Variants in CDH8 observed in about 807,000 individuals in gnomAD.
The protein encoded by CDH8 is cadherin-8.
In CDH8, 17 loss-of-function variants were observed where a neutral mutation model predicts 68.1. That is an observed-to-expected ratio of 0.25 (90% CI 0.17 to 0.37). The LOEUF (loss-of-function observed/expected upper bound fraction) is 0.37, where lower values mean the gene tolerates loss of function less well. Ranked by LOEUF, CDH8 falls within the 10% of genes least tolerant of loss-of-function variation. The pLI, the probability that CDH8 is intolerant of heterozygous loss-of-function variation, is 1.00. For missense variants in CDH8, 763 were observed against 999.3 expected (o/e 0.76, Z 3.19); for synonymous variants, 372 against 365.1 (o/e 1.02, Z -0.21).
At chr16:61,763,348 G>A (rs1596944377) in intron 8 of CDH8, among the ~76,000 whole-genome samples, 1 of 152,270 alleles carries the variant, frequency 6.6e-6, no homozygotes, top group East Asian at 1.9e-4. Context: ...TGAACACTAA[G>A]CTCATAACAG....
chr16:62,023,301 CT>C (rs1448810362), intron 1 of CDH8, among the ~76,000 whole-genome samples: 1 of 152,132 alleles, frequency 6.6e-6, no homozygotes, highest in Non-Finnish European at 1.5e-5. Flanking sequence ...GATAAGGCAT[CT>C]TGTGTGTGCT....
intron 2 of CDH8, among the ~76,000 whole-genome samples, chr16:62,013,261 CAAAAAAAAAAA>C (rs1165564723): frequency 0.034 from 219 of 6,408 alleles, 23 homozygotes; most frequent in Admixed American, 0.047. Flanking sequence ...GACTCCGTCT[CAAAAAAAAAAA>C]AAAAAAAAAA....
chr16:61,952,469 T>G (rs1463517501), intron 2 of CDH8, among the ~76,000 whole-genome samples: 1 of 152,126 alleles, frequency 6.6e-6, no homozygotes, highest in Non-Finnish European at 1.5e-5. Context: ...CAGGGAGAGC[T>G]TCTCAAATGA....
chr16:61,962,736 A>G (rs1391905847), intron 2 of CDH8, among the ~76,000 whole-genome samples: 1 of 152,214 alleles, frequency 6.6e-6, no homozygotes, highest in Non-Finnish European at 1.5e-5. Context: ...AAAATATAAA[A>G]TAAGCCTTTC....
chr16:61,759,219 T>C (rs535606590), intron 8 of CDH8, among the ~76,000 whole-genome samples: 3 of 152,188 alleles, frequency 2.0e-5, no homozygotes, highest in East Asian at 3.9e-4. Flanking sequence ...TATTGGCTTT[T>C]ACAAAAAAGA....
intron 10 of CDH8, among the ~76,000 whole-genome samples, chr16:61,657,924 T>C (rs1191063870): frequency 6.6e-6 from 1 of 152,108 alleles, no homozygotes; most frequent in Non-Finnish European, 1.5e-5. Context: ...CATACTTCTA[T>C]AAATATTTTT....
chr16:61,942,155 T>TA (rs1431331879), intron 2 of CDH8, among the ~76,000 whole-genome samples: 1 of 152,144 alleles, frequency 6.6e-6, no homozygotes, highest in Non-Finnish European at 1.5e-5. Flanking sequence ...ATCATGCTGT[T>TA]GCCCTCAGTT....
chr16:62,024,778 T>C (rs141594189), intron 1 of CDH8, among the ~76,000 whole-genome samples: 230 of 152,320 alleles, frequency 1.5e-3, no homozygotes, highest in Middle Eastern at 3.4e-3. Context: ...CAGAGAATAA[T>C]GAAATGATTT....
intron 10 of CDH8, among the ~76,000 whole-genome samples, chr16:61,706,194 C>T (rs1156862449): frequency 1.3e-5 from 2 of 152,166 alleles, no homozygotes; most frequent in Admixed American, 6.5e-5. Flanking sequence ...TGTTAACCAC[C>T]CACTTGCTCT....
intron 3 of CDH8, among the ~76,000 whole-genome samples, chr16:61,886,024 G>A (rs1298506969): frequency 1.3e-5 from 2 of 152,070 alleles, no homozygotes; most frequent in African/African-American, 2.4e-5. Flanking sequence ...TCAAGGAGAC[G>A]CATGATCCTT....
intron 4 of CDH8, among the ~76,000 whole-genome samples, chr16:61,840,124 A>T (rs1022813330): frequency 6.6e-6 from 1 of 152,118 alleles, no homozygotes; most frequent in Non-Finnish European, 1.5e-5. Context: ...CCATAAGAAT[A>T]TATAAAAGTG....
chr16:61,817,946 A>C (rs1962118836), intron 6 of CDH8: 1 of 454,906 alleles, frequency 2.2e-6, no homozygotes, highest in Non-Finnish European at 3.9e-6. Flanking sequence ...CTAATCTCCT[A>C]TTGTTTTGTT....
intron 10 of CDH8, among the ~76,000 whole-genome samples, chr16:61,701,781 C>G (rs1567430596): frequency 6.6e-6 from 1 of 152,204 alleles, no homozygotes; most frequent in Admixed American, 6.5e-5. Context: ...AACTTTCCAG[C>G]AAGCAGATTT....
chr16:61,925,785 C>G (rs1411548684), intron 2 of CDH8, among the ~76,000 whole-genome samples: 1 of 152,256 alleles, frequency 6.6e-6, no homozygotes, highest in Non-Finnish European at 1.5e-5. Context: ...TATCCACTTA[C>G]TCCATAAATG....
intron 4 of CDH8, among the ~76,000 whole-genome samples, chr16:61,833,695 T>C (rs1005195603): frequency 1.3e-5 from 2 of 151,948 alleles, no homozygotes; most frequent in African/African-American, 4.8e-5. Flanking sequence ...TTCCTTTCTT[T>C]GGATTTGCCA....
intron 3 of CDH8, among the ~76,000 whole-genome samples, chr16:61,858,733 C>A (rs933702452): frequency 3.3e-5 from 5 of 152,098 alleles, no homozygotes; most frequent in African/African-American, 1.2e-4. Context: ...ACGAAAGCCT[C>A]ATTGGACTCC....
chr16:61,932,057 A>C (rs1200695031), intron 2 of CDH8, among the ~76,000 whole-genome samples: 1 of 152,028 alleles, frequency 6.6e-6, no homozygotes, highest in African/African-American at 2.4e-5. Flanking sequence ...AATACAAAAA[A>C]TTAGCCGGGC....
chr16:62,005,667 C>T (rs1025945619), intron 2 of CDH8, among the ~76,000 whole-genome samples: 4 of 140,820 alleles, frequency 2.8e-5, no homozygotes, highest in South Asian at 2.3e-4. Context: ...ACCCGGGAGG[C>T]GGAGTTTGCA....
intron 10 of CDH8, among the ~76,000 whole-genome samples, chr16:61,703,139 A>G (rs1964463943): frequency 6.6e-6 from 1 of 152,212 alleles, no homozygotes; most frequent in African/African-American, 2.4e-5. Flanking sequence ...ATTTCTGAAA[A>G]AACTATTTCA....
Sources: allele counts gnomAD v4.1 joint callset (sites outside exome capture counted in the v4.1 genomes callset), GRCh38; gene constraint gnomAD v4.1.1; transcripts MANE v1.5; gene names NCBI Gene and HGNC (gene_info 2026-07-23, HGNC 2026-07-21).